Variants in XRN1 observed in about 807,000 individuals in gnomAD.
XRN1 encodes strand-exchange protein 1 homolog.
XRN1 carries 67 observed loss-of-function variants against 222.3 expected under a neutral mutation model. The observed-to-expected ratio is 0.30, with a 90% confidence interval of 0.25 to 0.37. The LOEUF (loss-of-function observed/expected upper bound fraction) is 0.37. Among genes scored for constraint, XRN1 ranks in the 10% least tolerant of loss-of-function variants. XRN1 has a pLI of 1.00. For synonymous variants in XRN1, 643 were observed against 652.4 expected, an observed-to-expected ratio of 0.99 and a Z score of 0.22; for missense variants, 1,707 against 2,000.2, an observed-to-expected ratio of 0.85 and a Z score of 2.80.
intron 19 of XRN1, among the ~76,000 whole-genome samples, chr3:142,398,646 C>T (rs2068018152): frequency 6.6e-6 from 1 of 152,124 alleles, no homozygotes; most frequent in South Asian, 2.1e-4. Context: ...AGATTACAGG[C>T]TTGAGCCACC....
intron 16 of XRN1, among the ~76,000 whole-genome samples, 200 bp from the exon 17 acceptor site, chr3:142,404,189 T>TAAG (rs891770833): frequency 9.9e-5 from 15 of 152,188 alleles, no homozygotes; most frequent in African/African-American, 3.6e-4. Context: ...TGCCTGTAGA[T>TAAG]TACTAAGTTG....
At chr3:142,387,452 T>C (rs1168270725) in intron 20 of XRN1, among the ~76,000 whole-genome samples, 1 of 152,168 alleles carries the variant, frequency 6.6e-6, no homozygotes, top group East Asian at 1.9e-4. Flanking sequence ...GTAATATACT[T>C]ATGATTAATA....
At chr3:142,389,085 T>C (rs1318293021) in intron 20 of XRN1, among the ~76,000 whole-genome samples, 2 of 152,234 alleles carry the variant, frequency 1.3e-5, no homozygotes. Flanking sequence ...ATGGTGGCGC[T>C]TGCCTGAATC....
At chr3:142,395,093 G>C (rs2067877045) in intron 20 of XRN1, among the ~76,000 whole-genome samples, 1 of 152,172 alleles carries the variant, frequency 6.6e-6, no homozygotes. Flanking sequence ...CCTATTGTTA[G>C]AGCCATGGAA....
chr3:142,386,771 C>T (rs1403667526), intron 20 of XRN1, among the ~76,000 whole-genome samples: 1 of 152,000 alleles, frequency 6.6e-6, no homozygotes, highest in Non-Finnish European at 1.5e-5. Context: ...CAGGGAAATG[C>T]AAATTAAAGC....
At chr3:142,442,650 A>G (rs2070276706) in intron 1 of XRN1, among the ~76,000 whole-genome samples, 1 of 152,226 alleles carries the variant, frequency 6.6e-6, no homozygotes, top group Non-Finnish European at 1.5e-5. Flanking sequence ...TTTCAAAACT[A>G]TCAAGCAGAT....
chr3:142,408,723 G>A (rs1318980011), intron 15 of XRN1, among the ~76,000 whole-genome samples: 1 of 152,158 alleles, frequency 6.6e-6, no homozygotes, highest in Non-Finnish European at 1.5e-5. Context: ...GAATGGAATT[G>A]CTGGGTCCTA....
chr3:142,318,732 C>G, intron 38 of XRN1, 38 bp from the exon 39 acceptor site: 1 of 1,610,282 alleles, frequency 6.2e-7, no homozygotes, highest in Non-Finnish European at 8.5e-7. Flanking sequence ...CAATGCAATA[C>G]AAGCTTTCTA....
intron 2 of XRN1, among the ~76,000 whole-genome samples, chr3:142,432,011 T>C (rs1373416799): frequency 9.8e-6 from 1 of 102,114 alleles, no homozygotes; most frequent in Non-Finnish European, 1.8e-5. Context: ...TATATAAATA[T>C]ATATTTTTTT....
At chr3:142,421,637 G>T in intron 8 of XRN1, 94 bp from the exon 9 acceptor site, 1 of 908,182 alleles carries the variant, frequency 1.1e-6, no homozygotes, top group Non-Finnish European at 1.7e-6. Context: ...GAATGTTCAT[G>T]TTCTACAGTA....
At chr3:142,338,431 T>C (rs2065903746) in intron 33 of XRN1, among the ~76,000 whole-genome samples, 1 of 152,210 alleles carries the variant, frequency 6.6e-6, no homozygotes, top group South Asian at 2.1e-4. Flanking sequence ...TAAAGAACCC[T>C]TGGGACTGAA....
At chr3:142,431,922 A>ATATT (rs2069595413) in intron 2 of XRN1, among the ~76,000 whole-genome samples, 1 of 80,480 alleles carries the variant, frequency 1.2e-5, no homozygotes, top group Non-Finnish European at 2.3e-5. Context: ...AAATATATAT[A>ATATT]ATATAATATA....
chr3:142,425,043 C>T (rs2069190979), intron 5 of XRN1, among the ~76,000 whole-genome samples, 179 bp downstream of exon 5: 1 of 152,118 alleles, frequency 6.6e-6, no homozygotes, highest in Non-Finnish European at 1.5e-5. Context: ...GGTCAATAAA[C>T]TATGGTTAAA....
In XRN1 at chr3:142,447,831, G is replaced by A. The variant is rs1032331752; in HGVS notation, c.75+39C>T. 3.1e-6 allele frequency: 5 copies of A among 1,609,260 alleles called. No individual in the cohort carries two copies. The highest frequency in any genetic ancestry group is 3.4e-6 in the Non-Finnish European group (4 of 1,177,498). On this transcript the variant is annotated intron_variant, in intron 1 of 40. Transcript: ENST00000392981. This position sits in a 1 kb window ranked among gnomAD's most constrained non-coding sequence, Gnocchi z 4.2. ...GGTGGAGAGGGCCGCGGAGCCCCGG[G>A]TCCTCGGCTTTCTGAGCCGTTGCCC...
intron 29 of XRN1, among the ~76,000 whole-genome samples, chr3:142,361,584 A>AT (rs1412528375): frequency 2.0e-5 from 3 of 152,200 alleles, no homozygotes; most frequent in Admixed American, 1.3e-4. Context: ...TAGTTGCCCT[A>AT]TATCATTGTC....
In XRN1 at chr3:142,356,997, T is replaced by C. The variant is rs1412415995; in HGVS notation, c.3587A>G (p.His1196Arg). The change falls in exon 31 of 41, where the codon CAT (histidine) becomes CGT (arginine). Residue 1196 changes from histidine to arginine, a missense_variant. By Grantham distance (29) the His-to-Arg change is conservative. Transcript: ENST00000392981. The stretch of plus-strand genomic sequence containing the variant: ...AACTGATGAACTTGAGCTATGTTGA[T>C]GTACAGCTGGTTGTGGTTTTACGAT... ...TAIVKPQPAV[H>R]QHSSSSSVSS... 1.9e-6 allele frequency: 3 copies of C among 1,614,124 alleles called. No homozygotes were observed. The East Asian group carries it at 6.7e-5, about 36-fold the overall frequency.
intron 15 of XRN1, among the ~76,000 whole-genome samples, chr3:142,406,693 A>AT (rs756325232): frequency 0.015 from 2,137 of 140,318 alleles, 25 homozygotes; most frequent in African/African-American, 0.038. Flanking sequence ...CATCCAGTTC[A>AT]TTTTTTTTTT....
At position 142,311,595 on chromosome 3, in the gene XRN1, G is replaced by A. The variant is rs151245776; in HGVS notation, c.5001C>T (p.His1667=). The change falls in exon 41 of 41, where the codon CAC becomes CAT. Residue 1667 remains histidine (H), a synonymous_variant. Coordinates refer to ENST00000392981, the MANE Select transcript of XRN1 (RefSeq NM_001282857.2). The part of the protein sequence containing the change: ...ETASQGHSIS[H]HKSTPISSSR... ...AAGAAGAGATTGGTGTTGACTTATG[G>A]TGAGATATACTATGGCCTTGAGAGG... is the stretch of plus-strand genomic sequence containing the variant. 192 of 1,613,934 alleles carry A rather than the reference G, an allele frequency of 1.2e-4. No individual in the cohort carries two copies. The African/African-American group carries it at 2.3e-3, about 20-fold the overall frequency.
At chr3:142,422,099 C>T (rs769085898) in intron 8 of XRN1, among the ~76,000 whole-genome samples, 2 of 152,056 alleles carry the variant, frequency 1.3e-5, no homozygotes, top group Non-Finnish European at 1.5e-5. Flanking sequence ...AATCCCAGCA[C>T]TTTGGGAAGC....
Sources: allele counts gnomAD v4.1 joint callset (sites outside exome capture counted in the v4.1 genomes callset), GRCh38; gene constraint gnomAD v4.1.1; non-coding constraint Gnocchi (gnomAD v3.1); transcripts MANE v1.5; gene names NCBI Gene and HGNC (gene_info 2026-07-23, HGNC 2026-07-21).